The following CARS2 variants were observed in gnomAD, a reference collection of about 807,000 sequenced individuals.
CARS2 encodes the protein cysteinyl-tRNA synthetase 2, mitochondrial, also known as probable cysteine--tRNA ligase, mitochondrial.
Under a neutral mutation model 68.8 loss-of-function variants are expected in CARS2, and 52 were observed. That is an observed-to-expected ratio of 0.76 (90% confidence interval 0.61 to 0.95). The LOEUF is 0.95. CARS2 is among the 40% of genes least tolerant of loss of function. CARS2 has a pLI of 0.00. For synonymous variants in CARS2, 314 were observed against 303.6 expected (o/e 1.03, Z -0.36); for missense variants, 780 against 754.2 (o/e 1.03, Z -0.40).
upstream of CARS2, among the ~76,000 whole-genome samples, chr13:110,709,735 A>G (rs1225654794): frequency 6.6e-6 from 1 of 151,886 alleles, no homozygotes; most frequent in East Asian, 1.9e-4. Context: ...ATGTATATAC[A>G]TTATATATAT....
chr13:110,693,109 C>CAAAAAAA (rs776745304), intron 3 of CARS2, among the ~76,000 whole-genome samples: 3 of 59,434 alleles, frequency 5.0e-5, no homozygotes, highest in South Asian at 8.2e-4. Flanking sequence ...GACTCTGTCT[C>CAAAAAAA]AAAAAAAAAA....
At chr13:110,666,556 T>G in intron 8 of CARS2, 1 of 985,418 alleles carries the variant, frequency 1.0e-6, no homozygotes, top group Non-Finnish European at 1.2e-6. Context: ...ATCAGCCTCA[T>G]GTACTTTCAC....
At chr13:110,706,154 C>T (rs990254627), upstream of CARS2, 6 of 1,190,078 alleles carry the variant, frequency 5.0e-6, no homozygotes, top group Non-Finnish European at 6.3e-6. Context: ...CGCTGCCGGT[C>T]GCTCAAGAGC....
At position 110,663,248 on chromosome 13, in the gene CARS2, A is replaced by G. The variant is rs2296657; in HGVS notation, c.987+203T>C. ...CTCCACCAAGAAAGGGACTGCGGAA[A>G]CCTGCGGGAGGCGCACAGCTGAGGG... On this transcript the variant is annotated intron_variant, in intron 9 of 14. Coordinates refer to ENST00000257347, the MANE Select transcript of CARS2 (RefSeq NM_024537.4). Among the ~76,000 whole-genome samples the G allele has an allele frequency of 0.11, 16,189 of 151,970 alleles. 1,075 individuals carry two copies. The highest frequency in any genetic ancestry group is 0.16 in the East Asian group (842 of 5,150).
intron 3 of CARS2, among the ~76,000 whole-genome samples, chr13:110,690,099 G>A (rs1368884876): frequency 6.6e-6 from 1 of 152,064 alleles, no homozygotes; most frequent in Non-Finnish European, 1.5e-5. Flanking sequence ...GTGGTGGCAG[G>A]CGCCTGTAAT....
chr13:110,687,183 C>T (rs1248669135), intron 5 of CARS2, among the ~76,000 whole-genome samples: 1 of 152,146 alleles, frequency 6.6e-6, no homozygotes, highest in East Asian at 1.9e-4. Flanking sequence ...GACTAGCTGT[C>T]CAGACGTTCC....
At chr13:110,709,880 G>C (rs1353596193), upstream of CARS2, among the ~76,000 whole-genome samples, 2 of 151,012 alleles carry the variant, frequency 1.3e-5, no homozygotes, top group East Asian at 3.9e-4. Flanking sequence ...GTGTGTTAAA[G>C]TTAATGATTC....
chr13:110,660,763 C>CTTTTTT (rs201474441), intron 9 of CARS2, among the ~76,000 whole-genome samples: 2 of 132,846 alleles, frequency 1.5e-5, no homozygotes, highest in Non-Finnish European at 3.1e-5. Context: ...TAGCATAATT[C>CTTTTTT]TTTTTTTTTT....
Position 110,677,705 on chromosome 13 carries a change from G to A in CARS2, c.656-602C>T, listed in dbSNP as rs61971608. 3.4e-3 allele frequency among the ~76,000 whole-genome samples: 97 copies of A among 28,736 alleles called. 28 individuals are homozygous for A. Among genetic ancestry groups the A allele is most frequent in the African/African-American group, 9.1e-3 (93 of 10,236 alleles). The allele number at this position is 28,736 out of a possible 152,430, so 18.9% of individuals were successfully genotyped here. A position where few individuals can be genotyped will look rare whatever the true frequency, so the allele number is the denominator to read the frequency against. Reference sequence around the variant, plus strand: ...GAAACTCAGACAGCCACCCCGCCACGGAAACCCAGACAGCCACCCCGCCAC... The same window carrying A: ...GAAACTCAGACAGCCACCCCGCCACAGAAACCCAGACAGCCACCCCGCCAC... On this transcript the variant is annotated intron_variant, in intron 6 of 14. Transcript: ENST00000257347.
chr13:110,667,175 A>C (rs181446204), intron 8 of CARS2, among the ~76,000 whole-genome samples, 165 bp downstream of exon 8: 56 of 152,370 alleles, frequency 3.7e-4, no homozygotes, highest in African/African-American at 1.3e-3. Flanking sequence ...CAATCCAAGG[A>C]AGCTCATGTT....
upstream of CARS2, among the ~76,000 whole-genome samples, chr13:110,709,389 C>T (rs1371374612): frequency 2.0e-5 from 3 of 151,992 alleles, no homozygotes; most frequent in South Asian, 2.1e-4. Context: ...CCACCGTGCC[C>T]GGCAGCTAAT....
chr13:110,642,171 C>T, intron 14 of CARS2, 144 bp downstream of exon 14: 1 of 673,978 alleles, frequency 1.5e-6, no homozygotes. Flanking sequence ...CACGCCATTG[C>T]ACTCCAGCCT....
At chr13:110,685,841 GCCTTGCCTGGGGTCCA>G (rs2063285717) in intron 5 of CARS2, among the ~76,000 whole-genome samples, 1 of 152,052 alleles carries the variant, frequency 6.6e-6, no homozygotes, top group Non-Finnish European at 1.5e-5. Flanking sequence ...CAAGACGCCA[GCCTTGCCTGGGGTCCA>G]CCAGACAAAG....
Position 110,676,978 on chromosome 13 carries a change from C to G in CARS2, c.781G>C (p.Ala261Pro), listed in dbSNP as rs374751888. Reference protein sequence around the residue: ...PGWHIECSAIASMVFGSQLDI... With the variant: ...PGWHIECSAIPSMVFGSQLDI... ...AGGAAGCGGCAGGCACCTTACCTAGCGATGGCAGAGCACTCGATGTGCCAG... is the reference window on the plus strand; with the variant it reads ...AGGAAGCGGCAGGCACCTTACCTAGGGATGGCAGAGCACTCGATGTGCCAG... Residue 261 changes from alanine to proline, a missense_variant, in exon 7 of 15, where the codon GCT becomes CCT. By Grantham distance (27) the Ala-to-Pro change is conservative. Coordinates refer to ENST00000257347, the MANE Select transcript of CARS2 (RefSeq NM_024537.4). This position sits in a 1 kb window ranked among gnomAD's most constrained non-coding sequence, Gnocchi z 4.0. The G allele has an allele frequency of 1.3e-6, 2 of 1,572,296 alleles. No homozygotes were observed. The highest frequency in any genetic ancestry group is 1.7e-6 in the Non-Finnish European group (2 of 1,153,588).
chr13:110,703,103 T>G (rs1441861438), intron 2 of CARS2, among the ~76,000 whole-genome samples: 1 of 152,036 alleles, frequency 6.6e-6, no homozygotes, highest in African/African-American at 2.4e-5. Context: ...ACCAAACTGA[T>G]CTATTTGTTT....
chr13:110,672,384 T>C (rs557375721), intron 7 of CARS2, among the ~76,000 whole-genome samples: 31 of 152,282 alleles, frequency 2.0e-4, no homozygotes, highest in African/African-American at 7.5e-4. Context: ...CACAGTGCAA[T>C]CAAACTAGAA....
intron 12 of CARS2, chr13:110,645,691 G>A: frequency 2.6e-6 from 1 of 382,634 alleles, no homozygotes; most frequent in Non-Finnish European, 4.7e-6. Context: ...GACATGAGAT[G>A]TGTCCCCTGA....
intron 3 of CARS2, among the ~76,000 whole-genome samples, chr13:110,689,517 T>C (rs1260219545): frequency 2.6e-5 from 4 of 152,234 alleles, no homozygotes; most frequent in African/African-American, 7.2e-5. Flanking sequence ...TGGTGAACTA[T>C]GCGTTGCTAC....
intron 10 of CARS2, chr13:110,648,903 G>A (rs993940955): frequency 2.6e-5 from 4 of 152,196 alleles, no homozygotes; most frequent in African/African-American, 4.8e-5. Context: ...CGGGGCTTCC[G>A]AGGGCAAAGT....
Sources: allele counts gnomAD v4.1 joint callset (sites outside exome capture counted in the v4.1 genomes callset), GRCh38; gene constraint gnomAD v4.1.1; non-coding constraint Gnocchi (gnomAD v3.1); transcripts MANE v1.5; gene names NCBI Gene and HGNC (gene_info 2026-07-23, HGNC 2026-07-21).